CDH4: variants seen among roughly 807,000 people sequenced by gnomAD.
CDH4 encodes cadherin-4.
In CDH4, 33 loss-of-function variants were observed where a neutral mutation model predicts 86.0. That is an observed-to-expected ratio of 0.38 (90% confidence interval 0.29 to 0.51). The LOEUF is 0.51. Ranked by LOEUF, CDH4 falls within the 20% of genes least tolerant of loss-of-function variation. The pLI, the probability that CDH4 is intolerant of heterozygous loss-of-function variation, is 0.86. For missense variants in CDH4, 1,114 were observed against 1,307.4 expected (o/e 0.85, Z 2.28); for synonymous variants, 555 against 549.4 (o/e 1.01, Z -0.14).
rs545548139 is a variant in CDH4 at position 61,803,048 on chromosome 20, G to A, written c.576+29866G>A. 1.4e-4 allele frequency among the ~76,000 whole-genome samples: 21 copies of A among 152,326 alleles called. No individual in the cohort carries two copies. In the South Asian group the frequency reaches 3.9e-3, roughly 29 times the overall value. ...TGATTTACCAACAGGTCTGGACAGCGCTCCCCTCCTTCCCACGCCCCCACT... is the reference window on the plus strand; with the variant it reads ...TGATTTACCAACAGGTCTGGACAGCACTCCCCTCCTTCCCACGCCCCCACT... On this transcript the variant is annotated intron_variant, in intron 4 of 15. Transcript: ENST00000614565.
intron 2 of CDH4, among the ~76,000 whole-genome samples, chr20:61,672,870 G>A (rs1473368175): frequency 6.6e-6 from 1 of 152,150 alleles, no homozygotes; most frequent in Non-Finnish European, 1.5e-5. Context: ...GTGAGGCGCA[G>A]GCCTGAGGGG....
intron 2 of CDH4, among the ~76,000 whole-genome samples, chr20:61,400,674 G>C (rs1480899017): frequency 1.3e-5 from 2 of 152,216 alleles, no homozygotes; most frequent in African/African-American, 4.8e-5. Context: ...AGCCCCCTGG[G>C]AGCAGTCCTG....
chr20:61,898,811 A>G (rs1985248962), intron 8 of CDH4, among the ~76,000 whole-genome samples: 1 of 152,208 alleles, frequency 6.6e-6, no homozygotes, highest in East Asian at 1.9e-4. Flanking sequence ...AGACTTCAGC[A>G]ATATAAATCT....
chr20:61,811,080 A>G lies in CDH4; in HGVS notation c.577-33588A>G, dbSNP rs1293862748. On this transcript the variant is annotated intron_variant, in intron 4 of 15. Transcript: ENST00000614565. This position sits in a 1 kb window ranked among gnomAD's most constrained non-coding sequence, Gnocchi z 4.4. ...GCCGCATCCTCAGCAGCCGCGCCAC[A>G]TCCTCAGCAGCCCCGCCACCGCCTG... is the stretch of plus-strand genomic sequence containing the variant. Among the ~76,000 whole-genome samples the G allele has an allele frequency of 6.6e-6, 1 of 152,160 alleles. No homozygotes were observed. Among genetic ancestry groups the G allele is most frequent in the Non-Finnish European group, 1.5e-5 (1 of 68,016 alleles).
chr20:61,760,483 A>G (rs1433541242), intron 3 of CDH4, among the ~76,000 whole-genome samples: 1 of 152,246 alleles, frequency 6.6e-6, no homozygotes, highest in African/African-American at 2.4e-5. Context: ...TCCAGGGGCC[A>G]TGGCCTGAGT....
intron 2 of CDH4, among the ~76,000 whole-genome samples, chr20:61,321,224 G>A (rs1457053562): frequency 6.6e-6 from 1 of 152,158 alleles, no homozygotes; most frequent in Non-Finnish European, 1.5e-5. Context: ...ATTTAACTCT[G>A]CAAATTAGAA....
In CDH4 at chr20:61,404,504, G is replaced by A. The variant is rs543049665; in HGVS notation, c.169+149567G>A. Among the ~76,000 whole-genome samples, 29 of 152,108 alleles carry A rather than the reference G, an allele frequency of 1.9e-4. No homozygotes were observed. In the East Asian group the frequency reaches 3.5e-3, roughly 18 times the overall value. The stretch of plus-strand genomic sequence containing the variant: ...GCACCTGGCTCCGGCCCGAGGCTTC[G>A]AGACTTAATTGTGGTTATGACGATC... On this transcript the variant is annotated intron_variant, in intron 2 of 15. Coordinates refer to ENST00000614565, the MANE Select transcript of CDH4 (RefSeq NM_001794.5).
intron 2 of CDH4, among the ~76,000 whole-genome samples, chr20:61,308,333 T>C (rs1040745897): frequency 3.9e-5 from 6 of 152,210 alleles, no homozygotes; most frequent in African/African-American, 1.4e-4. Context: ...AAAGCTGCCA[T>C]GAGCCGCAGC....
At chr20:61,558,619 C>T (rs2086194231) in intron 2 of CDH4, among the ~76,000 whole-genome samples, 1 of 152,202 alleles carries the variant, frequency 6.6e-6, no homozygotes, top group Non-Finnish European at 1.5e-5. Flanking sequence ...GAATGAAGGT[C>T]GTGGTAGTGA....
At chr20:61,369,721 G>A (rs1420814749) in intron 2 of CDH4, among the ~76,000 whole-genome samples, 2 of 150,184 alleles carry the variant, frequency 1.3e-5, no homozygotes, top group Non-Finnish European at 3.0e-5. Context: ...TAAAATAAAA[G>A]TTAAAACCAA....
intron 2 of CDH4, among the ~76,000 whole-genome samples, chr20:61,260,907 C>T (rs2123120445): frequency 6.6e-6 from 1 of 152,294 alleles, no homozygotes. Flanking sequence ...AAGGTAGGAG[C>T]GGCCCAGGAA....
chr20:61,875,103 T>G (rs1227399611), intron 7 of CDH4, among the ~76,000 whole-genome samples: 1 of 152,160 alleles, frequency 6.6e-6, no homozygotes, highest in Admixed American at 6.5e-5. Flanking sequence ...CCTTCCAGGT[T>G]TGGGGCTGTG....
At chr20:61,511,604 T>A (rs1319641420) in intron 2 of CDH4, among the ~76,000 whole-genome samples, 1 of 152,244 alleles carries the variant, frequency 6.6e-6, no homozygotes, top group Non-Finnish European at 1.5e-5. Context: ...ATTTTACAAA[T>A]ATGCTCGTGA....
intron 8 of CDH4, among the ~76,000 whole-genome samples, chr20:61,901,498 G>A (rs995284256): frequency 6.6e-6 from 1 of 152,130 alleles, no homozygotes; most frequent in Non-Finnish European, 1.5e-5. Context: ...AGCCCCGTCG[G>A]GGGGCGCAGC....
At chr20:61,936,597 CAG>C (rs2055193519) in intron 15 of CDH4, 138 bp from the exon 16 acceptor site, 2 of 554,790 alleles carry the variant, frequency 3.6e-6, no homozygotes, top group African/African-American at 4.0e-5. Context: ...CAGTTAAATG[CAG>C]AGAGCCCTTA....
intron 2 of CDH4, among the ~76,000 whole-genome samples, chr20:61,346,394 G>A (rs963462242): frequency 1.3e-5 from 2 of 152,184 alleles, no homozygotes; most frequent in African/African-American, 4.8e-5. Context: ...CCACGGCCAT[G>A]AGGAGGCTTT....
At chr20:61,619,722 C>T (rs1478365797) in intron 2 of CDH4, among the ~76,000 whole-genome samples, 4 of 152,304 alleles carry the variant, frequency 2.6e-5, no homozygotes, top group East Asian at 1.9e-4. Context: ...CTCACGTGAG[C>T]GCTGTTGGAC....
chr20:61,929,845 G>A lies in CDH4; in HGVS notation c.2239+3G>A. 1.2e-6 allele frequency: 2 copies of A among 1,610,592 alleles called. No individual in the cohort carries two copies. The highest frequency in any genetic ancestry group is 1.7e-6 in the Non-Finnish European group (2 of 1,177,154). On this transcript the variant is annotated splice_donor_region_variant and intron_variant, in intron 13 of 15. Coordinates refer to ENST00000614565, the MANE Select transcript of CDH4 (RefSeq NM_001794.5). Reference sequence around the variant, plus strand: ...CATCTGCATCCTCATCCTGCTGAGTGAGTGTGGCTGAGCACCAGGGTGGGC... The same window carrying A: ...CATCTGCATCCTCATCCTGCTGAGTAAGTGTGGCTGAGCACCAGGGTGGGC...
At chr20:61,505,872 G>A (rs2085737555) in intron 2 of CDH4, among the ~76,000 whole-genome samples, 1 of 143,500 alleles carries the variant, frequency 7.0e-6, no homozygotes, top group Admixed American at 6.7e-5. Flanking sequence ...TCCACGCAGT[G>A]TTTCCATTCT....
Sources: allele counts gnomAD v4.1 joint callset (sites outside exome capture counted in the v4.1 genomes callset), GRCh38; gene constraint gnomAD v4.1.1; non-coding constraint Gnocchi (gnomAD v3.1); transcripts MANE v1.5; gene names NCBI Gene and HGNC (gene_info 2026-07-23, HGNC 2026-07-21).